The following C11orf65 variants were observed in gnomAD, a reference collection of about 807,000 sequenced individuals.
The protein encoded by C11orf65 is chromosome 11 open reading frame 65, also known as protein MFI.
Under a neutral mutation model 35.3 loss-of-function variants are expected in C11orf65, and 38 were observed. The ratio of observed to expected loss-of-function variants is 1.08; its 90% confidence interval spans 0.83 to 1.41. C11orf65 has a LOEUF of 1.41. Among genes scored for constraint, C11orf65 ranks in the 40% most tolerant of loss-of-function variants. C11orf65 has a pLI of 0.00. For synonymous variants in C11orf65, 105 were observed against 114.4 expected, an observed-to-expected ratio of 0.92 and a Z score of 0.53; for missense variants, 370 against 367.1, an observed-to-expected ratio of 1.01 and a Z score of -0.06.
exon 3 of C11orf65, chr11:108,335,255 T>C: frequency 1.3e-6 from 2 of 1,534,500 alleles, no homozygotes; most frequent in Non-Finnish European, 1.7e-6. Context: ...AATGCATTAT[T>C]TTCTAGAACC....
intron 2 of C11orf65, among the ~76,000 whole-genome samples, chr11:108,362,916 A>G (rs2090951160): frequency 1.3e-5 from 2 of 151,978 alleles, no homozygotes. Flanking sequence ...AACCTGCACA[A>G]TGTGCACATG....
chr11:108,317,491 A>T lies in C11orf65; in HGVS notation c.641-8420T>A, dbSNP rs587780633. On this transcript the variant is annotated intron_variant, in intron 6 of 6. Coordinates refer to the C11orf65 transcript ENST00000525729. ...CTTCATTACCAAGCAGCATGGAGGA[A>T]TATGCAGTGGGACCATTGCACTTCC... 6.8e-6 allele frequency: 11 copies of T among 1,611,514 alleles called. No individual in the cohort carries two copies. Among genetic ancestry groups the T allele is most frequent in the Non-Finnish European group, 6.8e-6 (8 of 1,178,890 alleles).
intron 2 of C11orf65, among the ~76,000 whole-genome samples, chr11:108,374,416 C>G (rs1398228940): frequency 6.6e-6 from 1 of 152,214 alleles, no homozygotes; most frequent in Non-Finnish European, 1.5e-5. Context: ...AACAGACCTG[C>G]AGCTGAGGGT....
chr11:108,323,481 T>C (rs1433150241), intron 6 of C11orf65, among the ~76,000 whole-genome samples: 1 of 152,132 alleles, frequency 6.6e-6, no homozygotes, highest in Non-Finnish European at 1.5e-5. Flanking sequence ...GATCTAGTGT[T>C]TGATAGCACA....
At chr11:108,315,064 T>C (rs563738950) in intron 6 of C11orf65, among the ~76,000 whole-genome samples, 141 of 152,332 alleles carry the variant, frequency 9.3e-4, no homozygotes, top group South Asian at 6.2e-4. Flanking sequence ...TCAAGGCTTA[T>C]AGTATTGCAG....
intron 2 of C11orf65, among the ~76,000 whole-genome samples, chr11:108,451,947 A>C (rs1180536291): frequency 6.6e-6 from 1 of 152,246 alleles, no homozygotes; most frequent in African/African-American, 2.4e-5. Flanking sequence ...AAAACTGGTT[A>C]GCCATAGGTA....
intron 3 of C11orf65, among the ~76,000 whole-genome samples, chr11:108,418,835 C>T (rs1031906776): frequency 2.0e-5 from 3 of 152,020 alleles, no homozygotes; most frequent in Admixed American, 1.3e-4. Flanking sequence ...GATTCTAAGG[C>T]ATTAGAAAGA....
chr11:108,378,504 G>C (rs1193838334), downstream of C11orf65, among the ~76,000 whole-genome samples: 2 of 127,512 alleles, frequency 1.6e-5, no homozygotes, highest in South Asian at 2.6e-4. Flanking sequence ...AGACTTAAAC[G>C]TTAGACCTAA....
At chr11:108,442,028 G>A (rs1357084358) in intron 2 of C11orf65, among the ~76,000 whole-genome samples, 2 of 152,142 alleles carry the variant, frequency 1.3e-5, no homozygotes, top group Non-Finnish European at 1.5e-5. Context: ...AAACTTCTCC[G>A]AGCTAAAGGA....
At chr11:108,356,052 T>C (rs926321344) in intron 2 of C11orf65, 2 of 152,226 alleles carry the variant, frequency 1.3e-5, no homozygotes, top group Non-Finnish European at 2.9e-5. Context: ...CTTTTTTCTT[T>C]TACCGATTTC....
intron 3 of C11orf65, chr11:108,332,961 A>G (rs1773445293): frequency 1.3e-6 from 2 of 1,564,442 alleles, no homozygotes; most frequent in Non-Finnish European, 1.7e-6. Flanking sequence ...GTAGAGATAT[A>G]TTAGTTATAG....
chr11:108,312,456 C>T lies in C11orf65; in HGVS notation c.641-3385G>A, dbSNP rs774260725. 3.8e-6 allele frequency: 6 copies of T among 1,596,580 alleles called. No homozygotes were observed. In the East Asian group the frequency reaches 1.3e-4, roughly 36 times the overall value. On this transcript the variant is annotated intron_variant, in intron 6 of 6. Coordinates refer to the C11orf65 transcript ENST00000525729. Reference sequence around the variant, plus strand: ...GAAGCCAGAGTACAACTATTTCTAGCTTGAGTGAAAAAAGTAAAGAAGAAA... The same window carrying T: ...GAAGCCAGAGTACAACTATTTCTAGTTTGAGTGAAAAAAGTAAAGAAGAAA...
downstream of C11orf65, among the ~76,000 whole-genome samples, chr11:108,380,732 A>G (rs1289068300): frequency 6.6e-6 from 1 of 152,178 alleles, no homozygotes; most frequent in Admixed American, 6.5e-5. Flanking sequence ...ATTTGAAAAG[A>G]CCAATCAGTT....
chr11:108,443,383 T>C (rs2093191948), intron 2 of C11orf65, among the ~76,000 whole-genome samples: 1 of 152,110 alleles, frequency 6.6e-6, no homozygotes, highest in African/African-American at 2.4e-5. Context: ...ATAGGAGACT[T>C]TAACACCCCA....
intron 3 of C11orf65, among the ~76,000 whole-genome samples, chr11:108,418,058 A>G (rs1292953240): frequency 6.6e-6 from 1 of 152,192 alleles, no homozygotes; most frequent in African/African-American, 2.4e-5. Context: ...AAAAGGTTCA[A>G]TTCAAGAAAG....
intron 2 of C11orf65, chr11:108,347,189 C>A: frequency 2.0e-6 from 2 of 1,002,404 alleles, no homozygotes; most frequent in Non-Finnish European, 3.2e-6. Context: ...AAAGATTATA[C>A]CAAGTCAGTG....
chr11:108,325,915 C>G (rs2136325968), intron 6 of C11orf65: 1 of 991,916 alleles, frequency 1.0e-6, no homozygotes, highest in Middle Eastern at 3.1e-4. Flanking sequence ...AGATGTCATG[C>G]AGACAGAGAG....
At chr11:108,358,648 C>G (rs1338995772) in intron 2 of C11orf65, among the ~76,000 whole-genome samples, 1 of 144,856 alleles carries the variant, frequency 6.9e-6, no homozygotes, top group African/African-American at 2.6e-5. Flanking sequence ...ATTCAACATT[C>G]TTAAAGAAAA....
Position 108,313,063 on chromosome 11 carries a change from G to C in C11orf65, c.641-3992C>G, listed in dbSNP as rs1160325406. Among the ~76,000 whole-genome samples the C allele has an allele frequency of 2.6e-5, 4 of 152,150 alleles. No individual in the cohort carries two copies. In the South Asian group the frequency reaches 8.3e-4, roughly 32 times the overall value. On this transcript the variant is annotated intron_variant, in intron 6 of 6. Coordinates refer to the C11orf65 transcript ENST00000525729. ...TTGGAGAAAATAGAAGGCATAGAGA[G>C]GAAATCTCGCCACATCCCACTCTCA...
Sources: allele counts gnomAD v4.1 joint callset (sites outside exome capture counted in the v4.1 genomes callset), GRCh38; gene constraint gnomAD v4.1.1; transcripts MANE v1.5; gene names NCBI Gene and HGNC (gene_info 2026-07-23, HGNC 2026-07-21).